Variants in DLG2 observed in about 807,000 individuals in gnomAD.
The protein encoded by DLG2 is discs large MAGUK scaffold protein 2.
DLG2 carries 45 observed loss-of-function variants against 132.5 expected under a neutral mutation model. The observed-to-expected ratio is 0.34, with a 90% CI of 0.27 to 0.44. The LOEUF (loss-of-function observed/expected upper bound fraction) is 0.44, where lower values mean the gene tolerates loss of function less well. Ranked by LOEUF, DLG2 falls within the 20% of genes least tolerant of loss-of-function variation. The pLI, the probability that DLG2 is intolerant of heterozygous loss-of-function variation, is 1.00. For synonymous variants in DLG2, 424 were observed against 419.6 expected (o/e 1.01, Z -0.13); for missense variants, 1,045 against 1,196.9 (o/e 0.87, Z 1.87).
chr11:84,807,052 A>G (rs538622786), intron 6 of DLG2, among the ~76,000 whole-genome samples: 1 of 152,300 alleles, frequency 6.6e-6, no homozygotes, highest in African/African-American at 2.4e-5. Context: ...ATACTCTAGG[A>G]AAATAAAACG....
chr11:85,536,005 C>G (rs1426031241), intron 3 of DLG2, among the ~76,000 whole-genome samples: 2 of 151,944 alleles, frequency 1.3e-5, no homozygotes, highest in Non-Finnish European at 2.9e-5. Context: ...GGCTTGAGCT[C>G]AGGAGTTAGA....
chr11:84,478,596 A>T (rs2099128122), intron 7 of DLG2, among the ~76,000 whole-genome samples: 1 of 152,120 alleles, frequency 6.6e-6, no homozygotes, highest in Non-Finnish European at 1.5e-5. Flanking sequence ...AATCCCTGAG[A>T]GTAGAACTTC....
chr11:83,810,535 T>C (rs2046997383), intron 17 of DLG2, among the ~76,000 whole-genome samples: 1 of 152,094 alleles, frequency 6.6e-6, no homozygotes, highest in South Asian at 2.1e-4. Flanking sequence ...CATTTAGCTT[T>C]GGAATTTTGT....
intron 15 of DLG2, among the ~76,000 whole-genome samples, chr11:83,891,625 C>G (rs1382035055): frequency 2.0e-5 from 3 of 152,094 alleles, no homozygotes; most frequent in Admixed American, 2.0e-4. Context: ...GAATTCCAAG[C>G]CTTTCTGTTC....
At chr11:84,955,389 T>C (rs1303130360) in intron 6 of DLG2, 2 of 152,210 alleles carry the variant, frequency 1.3e-5, no homozygotes, top group Admixed American at 6.5e-5. Context: ...CAAGATTACA[T>C]GGCCAGCAAG....
At chr11:84,567,579 C>T (rs2099462027) in intron 6 of DLG2, among the ~76,000 whole-genome samples, 1 of 152,156 alleles carries the variant, frequency 6.6e-6, no homozygotes, top group Non-Finnish European at 1.5e-5. Context: ...TTGAATAGCA[C>T]TTGACAAACT....
At chr11:83,622,514 G>A (rs1012171389) in intron 19 of DLG2, among the ~76,000 whole-genome samples, 6 of 152,104 alleles carry the variant, frequency 3.9e-5, no homozygotes, top group African/African-American at 9.7e-5. Context: ...CTGTCCATTC[G>A]ACATTTAAAT....
chr11:84,576,397 A>G (rs1450443983), intron 6 of DLG2, among the ~76,000 whole-genome samples: 1 of 152,242 alleles, frequency 6.6e-6, no homozygotes, highest in Non-Finnish European at 1.5e-5. Context: ...GGAAGTCCTG[A>G]AAGCCTGCAG....
chr11:83,665,835 A>G (rs2075407688), intron 18 of DLG2, among the ~76,000 whole-genome samples: 2 of 152,152 alleles, frequency 1.3e-5, no homozygotes, highest in South Asian at 2.1e-4. Context: ...CAATAGGAGC[A>G]TGAGATTGGA....
At chr11:85,434,824 G>A (rs2091388847) in intron 3 of DLG2, among the ~76,000 whole-genome samples, 1 of 152,098 alleles carries the variant, frequency 6.6e-6, no homozygotes, top group Non-Finnish European at 1.5e-5. Context: ...CATTTTATGA[G>A]GCCAGCATCA....
chr11:84,448,811 T>C (rs1406907008), intron 7 of DLG2, among the ~76,000 whole-genome samples: 2 of 152,032 alleles, frequency 1.3e-5, no homozygotes, highest in Non-Finnish European at 2.9e-5. Context: ...ACATACCTTA[T>C]TTATTTTCGT....
intron 4 of DLG2, among the ~76,000 whole-genome samples, chr11:85,220,629 G>GAAA (rs568361391): frequency 3.5e-5 from 5 of 144,520 alleles, no homozygotes; most frequent in African/African-American, 5.1e-5. Context: ...ATATCAAATA[G>GAAA]AAAAAAAAAT....
intron 9 of DLG2, among the ~76,000 whole-genome samples, chr11:84,160,397 G>A (rs1421030160): frequency 2.6e-5 from 4 of 152,114 alleles, no homozygotes; most frequent in African/African-American, 4.8e-5. Flanking sequence ...TTAGGTCTGA[G>A]AACTGATGCT....
In DLG2 at chr11:84,286,931, C is replaced by T. The variant is rs542541988; in HGVS notation, c.520-35640G>A. On this transcript the variant is annotated intron_variant, in intron 7 of 27. Coordinates refer to ENST00000376104, the MANE Select transcript of DLG2 (RefSeq NM_001142699.3). ...GTACATGATCTGGAGGTCAACTTTC[C>T]AGATTAGAATCCTAACTTCAACGCT... Among the ~76,000 whole-genome samples, 6 of 152,242 alleles carry T rather than the reference C, an allele frequency of 3.9e-5. No individual in the cohort carries two copies. The South Asian group carries it at 1.2e-3, about 32-fold the overall frequency.
chr11:84,084,419 TA>T (rs1482430918), intron 10 of DLG2, among the ~76,000 whole-genome samples: 2 of 152,064 alleles, frequency 1.3e-5, no homozygotes, highest in Non-Finnish European at 2.9e-5. Flanking sequence ...GAGGGAAGGG[TA>T]TTTTGTGAAT....
At chr11:83,467,765 C>CTATATG (rs2091315255) in intron 25 of DLG2, among the ~76,000 whole-genome samples, 2 of 98,982 alleles carry the variant, frequency 2.0e-5, no homozygotes, top group Admixed American at 2.5e-4. Context: ...AAAATAAAAA[C>CTATATG]TATATGTATA....
chr11:85,507,334 T>G (rs1282820377), intron 3 of DLG2, among the ~76,000 whole-genome samples: 1 of 152,238 alleles, frequency 6.6e-6, no homozygotes. Context: ...GGCATGTTTT[T>G]GCAGTGGCTG....
intron 3 of DLG2, chr11:85,452,993 T>G (rs1274348975): frequency 1.0e-5 from 2 of 196,056 alleles, no homozygotes; most frequent in African/African-American, 4.7e-5. Context: ...AAGACAGTAT[T>G]TGAACCCGAG....
chr11:83,833,768 T>C lies in DLG2; in HGVS notation c.1568A>G (p.Glu523Gly), dbSNP rs762778884. 21 of 1,613,356 alleles carry C rather than the reference T, an allele frequency of 1.3e-5. No individual in the cohort carries two copies. Among genetic ancestry groups the C allele is most frequent in the Non-Finnish European group, 1.8e-5 (21 of 1,179,658 alleles). Residue 523 changes from glutamate (E) to glycine (G), a missense_variant and splice_region_variant, in exon 17 of 28, where the codon GAG (glutamate) becomes GGG (glycine). Physicochemically the swap from Glu to Gly is moderately conservative, Grantham distance 98 (BLOSUM62 -2). This residue lies in a region of DLG2 where 261 missense variants were observed against 256.1 expected (regional missense o/e 1.02). Transcript: ENST00000376104. ...TTTGTGCAGGACTACCTTGCGAGGC[T>C]CTCTGCAGAAAGAAATAGAGAACAC... ...TLQRAVSLEGEPRKVVLHKGS... is the reference protein window; with the variant it reads ...TLQRAVSLEGGPRKVVLHKGS...
Sources: gnomAD v4.1 joint callset for allele counts (sites outside exome capture counted in the v4.1 genomes callset) on GRCh38, gnomAD v4.1.1 for gene constraint, gnomAD v4.1.1 regional missense constraint, MANE v1.5 for transcripts, NCBI Gene and HGNC (gene_info 2026-07-23, HGNC 2026-07-21) for gene names.